PGPEP1L: variants seen among roughly 807,000 people sequenced by gnomAD.
PGPEP1L encodes pyroglutamyl-peptidase 1-like protein.
Under a neutral mutation model 6.0 loss-of-function variants are expected in PGPEP1L, and 7 were observed. The observed-to-expected ratio is 1.17, with a 90% CI of 0.66 to 2.19. The LOEUF (loss-of-function observed/expected upper bound fraction) is 2.19. Ranked by LOEUF, PGPEP1L falls within the 30% of genes most tolerant of loss-of-function variation. The pLI is 0.00. For missense variants in PGPEP1L, 209 were observed against 192.5 expected (o/e 1.09, Z -0.51); for synonymous variants, 103 against 83.9 (o/e 1.23, Z -1.24).
chr15:98,996,775 G>A (rs2017895468), intron 2 of PGPEP1L, among the ~76,000 whole-genome samples: 1 of 152,020 alleles, frequency 6.6e-6, no homozygotes, highest in African/African-American at 2.4e-5. Flanking sequence ...ATCTTACCTA[G>A]TGATATCTAC....
chr15:98,982,486 C>A (rs1296415759), intron 2 of PGPEP1L, among the ~76,000 whole-genome samples: 1 of 151,974 alleles, frequency 6.6e-6, no homozygotes, highest in African/African-American at 2.4e-5. Context: ...GCTCACACTA[C>A]AGTCACCAGA....
chr15:99,006,929 G>C (rs1255746718), intron 1 of PGPEP1L, among the ~76,000 whole-genome samples: 1 of 152,190 alleles, frequency 6.6e-6, no homozygotes. Flanking sequence ...CAGGGAAGCA[G>C]GCAGAGCCTC....
chr15:98,977,598 G>A (rs2151756586), intron 2 of PGPEP1L, among the ~76,000 whole-genome samples: 2 of 152,308 alleles, frequency 1.3e-5, no homozygotes, highest in Middle Eastern at 3.4e-3. Context: ...TTATGGCCCA[G>A]GGTATAGTCT....
In PGPEP1L at chr15:99,000,533, CTG is replaced by C. The variant is rs536868663; in HGVS notation, c.-142+4894_-142+4895del. Reference sequence around the variant, plus strand: ...GATTGTAAATACACCAATCGGCACTCTGTATCTAGCTCAAGGTTTGTAAACAC... The same window carrying C: ...GATTGTAAATACACCAATCGGCACTCTATCTAGCTCAAGGTTTGTAAACAC... On this transcript the variant is annotated intron_variant, in intron 2 of 4. Transcript: ENST00000535714. Among the ~76,000 whole-genome samples the C allele has an allele frequency of 9.8e-4, 149 of 152,324 alleles. 2 individuals carry two copies. The highest frequency in any genetic ancestry group is 3.3e-3 in the African/African-American group (137 of 41,564).
intron 2 of PGPEP1L, among the ~76,000 whole-genome samples, chr15:98,974,901 C>A (rs2151755486): frequency 6.7e-6 from 1 of 149,300 alleles, no homozygotes; most frequent in South Asian, 2.2e-4. Flanking sequence ...CCACCTCAAA[C>A]AAAAACAACA....
Position 98,997,013 on chromosome 15 carries a change from G to A in PGPEP1L, c.-142+8416C>T, listed in dbSNP as rs112516489. ...AGCTGGGTGACTTGTCTTGGGTCTC[G>A]CAGCTTGCCACTGTTGGAGCTAAAC... On this transcript the variant is annotated intron_variant, in intron 2 of 4. Transcript: ENST00000535714. 2.4e-3 allele frequency among the ~76,000 whole-genome samples: 372 copies of A among 152,278 alleles called. 1 individual carries two copies. The highest frequency in any genetic ancestry group is 7.5e-3 in the African/African-American group (312 of 41,540).
intron 2 of PGPEP1L, among the ~76,000 whole-genome samples, chr15:98,983,306 T>TA (rs1491567434): frequency 6.6e-6 from 1 of 152,172 alleles, no homozygotes; most frequent in Non-Finnish European, 1.5e-5. Context: ...TTCACGGCTC[T>TA]TTATTCATTA....
intron 2 of PGPEP1L, among the ~76,000 whole-genome samples, chr15:98,980,478 G>C (rs1382053487): frequency 2.0e-5 from 3 of 152,184 alleles, no homozygotes; most frequent in Non-Finnish European, 4.4e-5. Flanking sequence ...AAATAAGTAA[G>C]TGGGTCCAGG....
Position 98,975,999 on chromosome 15 carries a change from T to C in PGPEP1L, c.-141-4841A>G, listed in dbSNP as rs989776730. 7.9e-5 allele frequency among the ~76,000 whole-genome samples: 12 copies of C among 152,300 alleles called. No homozygotes were observed. The South Asian group carries it at 1.2e-3, about 16-fold the overall frequency. On this transcript the variant is annotated intron_variant, in intron 2 of 4. Coordinates refer to ENST00000535714, the MANE Select transcript of PGPEP1L (RefSeq NM_001167902.2). ...AAAGACAAATGTGTGATTTCACTTA[T>C]ATGAAGTATCTAGAATAGCCAAATT...
At chr15:98,975,577 A>AC (rs2017556400) in intron 2 of PGPEP1L, among the ~76,000 whole-genome samples, 2 of 152,148 alleles carry the variant, frequency 1.3e-5, no homozygotes, top group South Asian at 4.1e-4. Flanking sequence ...TATCACTTGT[A>AC]CCCCATAAAT....
chr15:98,978,598 ACTTAT>A (rs1397546821), intron 2 of PGPEP1L, among the ~76,000 whole-genome samples: 1 of 151,600 alleles, frequency 6.6e-6, no homozygotes, highest in Admixed American at 6.6e-5. Context: ...AAGAACTAAG[ACTTAT>A]CTTCTGAATC....
At chr15:98,990,312 C>T (rs2017802550) in intron 2 of PGPEP1L, among the ~76,000 whole-genome samples, 1 of 152,014 alleles carries the variant, frequency 6.6e-6, no homozygotes, top group African/African-American at 2.4e-5. Flanking sequence ...CAGTTACAAT[C>T]CTAGTCTCTG....
At position 98,971,159 on chromosome 15, in the gene PGPEP1L, C is replaced by A. The variant is rs1441634274; in HGVS notation, c.-141-1G>T. On this transcript the variant is annotated splice_acceptor_variant, in intron 2 of 4. Coordinates refer to ENST00000535714, the MANE Select transcript of PGPEP1L (RefSeq NM_001167902.2). LOFTEE classifies it low-confidence loss of function (5UTR_SPLICE). ...TCCCCAGGCCCAGCTTGGAGAGCTC[C>A]TGAGGAAAGCGGCAGGTGGACTTGC... is the stretch of plus-strand genomic sequence containing the variant. The A allele has an allele frequency of 6.5e-7, 1 of 1,537,690 alleles. No individual in the cohort carries two copies. Among genetic ancestry groups the A allele is most frequent in the Non-Finnish European group, 8.8e-7 (1 of 1,139,322 alleles).
At chr15:98,992,330 G>A (rs1285606604) in intron 2 of PGPEP1L, among the ~76,000 whole-genome samples, 1 of 152,118 alleles carries the variant, frequency 6.6e-6, no homozygotes, top group Admixed American at 6.5e-5. Context: ...GCCAAATCAT[G>A]AGTGAACTCC....
intron 2 of PGPEP1L, among the ~76,000 whole-genome samples, chr15:98,999,005 G>T (rs782130409): frequency 2.6e-5 from 4 of 152,074 alleles, no homozygotes; most frequent in Non-Finnish European, 2.9e-5. Context: ...GTTTTTTGGG[G>T]GGAAGGAGAA....
intron 2 of PGPEP1L, among the ~76,000 whole-genome samples, chr15:98,978,909 T>C (rs866757482): frequency 1.5e-3 from 234 of 151,778 alleles, no homozygotes; most frequent in Non-Finnish European, 2.2e-3. Flanking sequence ...TTTGTGTTTT[T>C]AGTAGAGATG....
At chr15:98,992,606 C>T (rs1053085745) in intron 2 of PGPEP1L, among the ~76,000 whole-genome samples, 1 of 152,212 alleles carries the variant, frequency 6.6e-6, no homozygotes, top group Admixed American at 6.5e-5. Flanking sequence ...CTTTAAATTT[C>T]ATATGCAACC....
At position 98,969,504 on chromosome 15, in the gene PGPEP1L, A is replaced by G. The variant is rs1453939573; in HGVS notation, c.130T>C (p.Ser44Pro). 1 of 1,613,920 alleles carries G rather than the reference A, an allele frequency of 6.2e-7. No individual in the cohort carries two copies. The highest frequency in any genetic ancestry group is 8.5e-7 in the Non-Finnish European group (1 of 1,179,880). Residue 44 changes from serine (S) to proline (P), a missense_variant, in exon 4 of 5, where the codon TCA (serine) becomes CCA (proline). By Grantham distance (74) the Ser-to-Pro change is moderately conservative. Transcript: ENST00000535714. ...CAGACTGCCTTCATGCAGACCCCTG[A>G]CTCCAGCACGTCTGGGCTGCCAGGT... is the stretch of plus-strand genomic sequence containing the variant. ...CLPGSPDVLE[S>P]GVCMKAVCKR...
chr15:98,994,160 C>G (rs2654971), intron 2 of PGPEP1L, among the ~76,000 whole-genome samples: 146,690 of 152,124 alleles, frequency 0.96, 70,757 homozygotes, highest in Middle Eastern at 0.98. Context: ...CAGCTACTTA[C>G]GAGACTGAGG....
Sources: gnomAD v4.1 joint callset for allele counts (sites outside exome capture counted in the v4.1 genomes callset) on GRCh38, gnomAD v4.1.1 for gene constraint, MANE v1.5 for transcripts, NCBI Gene and HGNC (gene_info 2026-07-23, HGNC 2026-07-21) for gene names.